Variants in CYP19A1 observed in about 807,000 individuals in gnomAD.
CYP19A1 encodes the protein aromatase.
Under a neutral mutation model 44.4 loss-of-function variants are expected in CYP19A1, and 32 were observed. That is an observed-to-expected ratio of 0.72 (90% CI 0.54 to 0.97). CYP19A1 has a LOEUF of 0.97. Ranked by LOEUF, CYP19A1 falls within the 50% of genes least tolerant of loss-of-function variation. CYP19A1 has a pLI of 0.00. For synonymous variants in CYP19A1, 212 were observed against 215.6 expected, an observed-to-expected ratio of 0.98 and a Z score of 0.14; for missense variants, 598 against 637.8, an observed-to-expected ratio of 0.94 and a Z score of 0.67.
intron 3 of CYP19A1, among the ~76,000 whole-genome samples, chr15:51,235,123 A>G (rs1395426177): frequency 6.6e-6 from 1 of 152,236 alleles, no homozygotes; most frequent in Non-Finnish European, 1.5e-5. Flanking sequence ...AGCCAGTTGT[A>G]AAAGTGACTC....
rs1397180880 is a variant in CYP19A1, at chr15:51,212,446, T to C, written c.1137A>G (p.Glu379=). The C allele has an allele frequency of 1.9e-6, 3 of 1,610,872 alleles. No homozygotes were observed. Among genetic ancestry groups the C allele is most frequent in the African/African-American group, 2.7e-5 (2 of 74,874 alleles). ...VVDLVMRKAL[E]DDVIDGYPVK... is the part of the protein sequence containing the mutation. ...CTGGGTAGCCATCGATTACATCATCTTCTAAGGCTTTGCGCATGACCAAGT... is the reference window on the plus strand; with the variant it reads ...CTGGGTAGCCATCGATTACATCATCCTCTAAGGCTTTGCGCATGACCAAGT... Residue 379 remains glutamate, a synonymous_variant, in exon 9 of 10, where the codon GAA becomes GAG. Coordinates refer to ENST00000396402, the MANE Select transcript of CYP19A1 (RefSeq NM_000103.4).
intron 1 of CYP19A1, among the ~76,000 whole-genome samples, chr15:51,323,342 G>A (rs1477774641): frequency 6.6e-6 from 1 of 152,178 alleles, no homozygotes; most frequent in Non-Finnish European, 1.5e-5. Context: ...GAATTTAAGT[G>A]CAGATGTCCT....
chr15:51,280,342 C>T (rs992593961), intron 1 of CYP19A1, among the ~76,000 whole-genome samples: 1 of 152,004 alleles, frequency 6.6e-6, no homozygotes, highest in Non-Finnish European at 1.5e-5. Context: ...TCGTGATCCA[C>T]CCCCCTTGGC....
chr15:51,264,036 C>G (rs980893511), intron 1 of CYP19A1, among the ~76,000 whole-genome samples: 29 of 152,136 alleles, frequency 1.9e-4, no homozygotes, highest in Admixed American at 6.5e-5. Context: ...TAGGAAGAAC[C>G]ATGGCCTCTG....
chr15:51,239,705 G>A (rs2033629193), intron 2 of CYP19A1, among the ~76,000 whole-genome samples: 1 of 152,090 alleles, frequency 6.6e-6, no homozygotes, highest in South Asian at 2.1e-4. Context: ...GAGAGAGAGA[G>A]AGTGATTACA....
chr15:51,256,449 T>C (rs112449152), intron 1 of CYP19A1, among the ~76,000 whole-genome samples: 38 of 152,260 alleles, frequency 2.5e-4, no homozygotes, highest in African/African-American at 8.7e-4. Flanking sequence ...GACAGGAAGA[T>C]ATACACCCTG....
At chr15:51,223,593 T>TCTCTCACA (rs1356666512) in intron 4 of CYP19A1, among the ~76,000 whole-genome samples, 2,663 of 90,148 alleles carry the variant, frequency 0.03, 75 homozygotes, top group Non-Finnish European at 0.042. Context: ...TCTCTCTCTC[T>TCTCTCACA]CACACACACA....
chr15:51,303,935 T>G (rs2036163884), intron 1 of CYP19A1, among the ~76,000 whole-genome samples: 1 of 152,154 alleles, frequency 6.6e-6, no homozygotes, highest in African/African-American at 2.4e-5. Context: ...AGAGGCAAGA[T>G]GCAGGATGCA....
At chr15:51,262,188 G>A (rs1303226640) in intron 1 of CYP19A1, among the ~76,000 whole-genome samples, 1 of 152,214 alleles carries the variant, frequency 6.6e-6, no homozygotes, top group East Asian at 1.9e-4. Flanking sequence ...TGTTCCTGCT[G>A]CAGATAACTA....
chr15:51,241,827 A>C (rs571417837), intron 2 of CYP19A1, among the ~76,000 whole-genome samples: 80 of 152,194 alleles, frequency 5.3e-4, no homozygotes, highest in Non-Finnish European at 1.0e-3. Flanking sequence ...CTGGAATGTT[A>C]AAAAGAATCC....
chr15:51,308,502 T>A (rs1046963685), intron 1 of CYP19A1, among the ~76,000 whole-genome samples: 1 of 152,170 alleles, frequency 6.6e-6, no homozygotes, highest in Non-Finnish European at 1.5e-5. Context: ...GAACCTGAGA[T>A]CTGGCTTCCC....
At chr15:51,284,595 T>C (rs566105553) in intron 1 of CYP19A1, among the ~76,000 whole-genome samples, 1 of 152,348 alleles carries the variant, frequency 6.6e-6, no homozygotes, top group African/African-American at 2.4e-5. Flanking sequence ...AAATATGGGA[T>C]ATCGACTTGG....
chr15:51,222,573 A>G (rs761186038), intron 4 of CYP19A1, 48 bp from the exon 5 acceptor site: 6 of 1,503,280 alleles, frequency 4.0e-6, no homozygotes, highest in Non-Finnish European at 5.5e-6. Flanking sequence ...TCCAGGGCAC[A>G]CACACAATCA....
intron 6 of CYP19A1, among the ~76,000 whole-genome samples, chr15:51,216,254 T>C (rs1404057255): frequency 6.6e-6 from 1 of 152,190 alleles, no homozygotes; most frequent in Non-Finnish European, 1.5e-5. Context: ...CTGCTTTTTC[T>C]TTTTTTCTTT....
At chr15:51,282,913 G>A (rs2035574817) in intron 1 of CYP19A1, among the ~76,000 whole-genome samples, 1 of 152,188 alleles carries the variant, frequency 6.6e-6, no homozygotes, top group South Asian at 2.1e-4. Flanking sequence ...GGGGGTGAAA[G>A]TTAGTACTCA....
chr15:51,214,757 T>C (rs138574562), intron 8 of CYP19A1, among the ~76,000 whole-genome samples: 2 of 152,322 alleles, frequency 1.3e-5, no homozygotes, highest in African/African-American at 4.8e-5. Flanking sequence ...TTAACAATGG[T>C]TGCCACTGGA....
chr15:51,284,813 G>C (rs977123830), intron 1 of CYP19A1, among the ~76,000 whole-genome samples: 1 of 152,216 alleles, frequency 6.6e-6, no homozygotes, highest in Non-Finnish European at 1.5e-5. Flanking sequence ...ATTATATGGG[G>C]AAGAAGATTT....
intron 1 of CYP19A1, among the ~76,000 whole-genome samples, chr15:51,247,182 T>C (rs143612154): frequency 4.1e-4 from 62 of 152,268 alleles, no homozygotes; most frequent in African/African-American, 4.3e-4. Context: ...TCAGCCCCCA[T>C]GCCCATGAGA....
chr15:51,325,706 C>CGG (rs2036596966), intron 1 of CYP19A1, among the ~76,000 whole-genome samples: 1 of 151,976 alleles, frequency 6.6e-6, no homozygotes, highest in South Asian at 2.1e-4. Context: ...GGCGTGGTGG[C>CGG]ACATGCCTGT....
Sources: gnomAD v4.1 joint callset for allele counts (sites outside exome capture counted in the v4.1 genomes callset) on GRCh38, gnomAD v4.1.1 for gene constraint, MANE v1.5 for transcripts, NCBI Gene and HGNC (gene_info 2026-07-23, HGNC 2026-07-21) for gene names.